Variants in ALDH1A2 observed in about 807,000 individuals in gnomAD.
ALDH1A2 encodes aldehyde dehydrogenase 1 family member A2, also known as retinal dehydrogenase 2.
Under a neutral mutation model 60.3 loss-of-function variants are expected in ALDH1A2, and 27 were observed. The ratio of observed to expected loss-of-function variants is 0.45; its 90% CI spans 0.33 to 0.62. The LOEUF (loss-of-function observed/expected upper bound fraction) is 0.62, where lower values mean the gene tolerates loss of function less well. ALDH1A2 is among the 20% of genes least tolerant of loss of function. The pLI is 0.02. For missense variants in ALDH1A2, 581 were observed against 643.8 expected, an observed-to-expected ratio of 0.90 and a Z score of 1.06; for synonymous variants, 289 against 232.4, an observed-to-expected ratio of 1.24 and a Z score of -2.21.
intron 1 of ALDH1A2, among the ~76,000 whole-genome samples, chr15:58,054,204 A>G (rs1378409383): frequency 6.6e-6 from 1 of 152,142 alleles, no homozygotes; most frequent in Admixed American, 6.6e-5. Flanking sequence ...TAAGAGAAAC[A>G]CCAAGGGAAG....
intron 4 of ALDH1A2, among the ~76,000 whole-genome samples, chr15:58,007,647 A>C (rs891680816): frequency 6.6e-6 from 1 of 152,088 alleles, no homozygotes; most frequent in African/African-American, 2.4e-5. Context: ...AGAATATTTT[A>C]TACTTTTAAA....
At chr15:57,996,448 C>T (rs886749810) in intron 4 of ALDH1A2, among the ~76,000 whole-genome samples, 4 of 146,962 alleles carry the variant, frequency 2.7e-5, no homozygotes, top group African/African-American at 5.0e-5. Context: ...CTTTTATCCT[C>T]TTTTTTTTTA....
In ALDH1A2 at chr15:58,014,262, C is replaced by T. The variant is rs200134664; in HGVS notation, c.137G>A (p.Trp46Ter). The T allele has an allele frequency of 6.2e-7, 1 of 1,613,996 alleles. No homozygotes were observed. The highest frequency in any genetic ancestry group is 8.5e-7 in the Non-Finnish European group (1 of 1,179,904). ...CACTCTCCCACTCTCTGAGTTCTGC[C>T]ACTCGTTGTTTATAAAGATCTAAGG... ...KYTKIFINNE[W>*]QNSESGRVFP... is the part of the protein sequence containing the mutation. Residue 46 changes from tryptophan (W) to a stop codon, truncating the protein, a stop_gained, in exon 2 of 13, where the codon TGG becomes TAG. Coordinates refer to ENST00000249750, the MANE Select transcript of ALDH1A2 (RefSeq NM_003888.4). LOFTEE classifies it high-confidence loss of function.
intron 7 of ALDH1A2, chr15:57,979,693 G>A: frequency 4.1e-6 from 1 of 243,574 alleles, no homozygotes; most frequent in Non-Finnish European, 8.6e-6. Flanking sequence ...GAGATAATGT[G>A]GGGAGAGAGT....
At chr15:58,062,137 C>T (rs1266240943) in intron 1 of ALDH1A2, among the ~76,000 whole-genome samples, 3 of 152,042 alleles carry the variant, frequency 2.0e-5, no homozygotes, top group African/African-American at 4.8e-5. Flanking sequence ...CTTTTTGCCT[C>T]TTCTATTTTA....
chr15:57,988,047 A>G (rs1376318181), intron 7 of ALDH1A2, among the ~76,000 whole-genome samples: 1 of 152,208 alleles, frequency 6.6e-6, no homozygotes, highest in East Asian at 1.9e-4. Flanking sequence ...ACAAACAAGG[A>G]AGGAGGCCAG....
intron 1 of ALDH1A2, among the ~76,000 whole-genome samples, chr15:58,038,753 C>T (rs1426763480): frequency 1.3e-5 from 2 of 151,744 alleles, no homozygotes; most frequent in Non-Finnish European, 3.0e-5. Context: ...ATGGGAATTG[C>T]TACTGGTAAT....
intron 1 of ALDH1A2, among the ~76,000 whole-genome samples, chr15:58,061,507 T>A (rs1257189196): frequency 1.3e-5 from 2 of 148,702 alleles, no homozygotes; most frequent in Non-Finnish European, 3.0e-5. Context: ...AAAAGATAGC[T>A]CCTTCTTAAG....
intron 1 of ALDH1A2, among the ~76,000 whole-genome samples, chr15:58,044,816 G>A (rs2140561018): frequency 6.6e-6 from 1 of 152,090 alleles, no homozygotes; most frequent in Middle Eastern, 3.4e-3. Context: ...CCCAGAGGAG[G>A]GCCGGTTTTG....
At chr15:57,975,386 T>G (rs1036779261) in intron 7 of ALDH1A2, among the ~76,000 whole-genome samples, 1 of 152,262 alleles carries the variant, frequency 6.6e-6, no homozygotes, top group Admixed American at 6.5e-5. Flanking sequence ...TTAAACCTGA[T>G]ACAGGTTGAA....
chr15:58,016,438 C>G (rs1895792343), intron 1 of ALDH1A2, among the ~76,000 whole-genome samples: 1 of 151,954 alleles, frequency 6.6e-6, no homozygotes. Flanking sequence ...GCACCCGGCC[C>G]CAAGTTCAGT....
chr15:57,979,995 G>T, intron 7 of ALDH1A2: 1 of 332,644 alleles, frequency 3.0e-6, no homozygotes. Flanking sequence ...TGCTCACCTG[G>T]CTGGCACAGT....
At chr15:57,981,790 C>G (rs557616957) in intron 7 of ALDH1A2, among the ~76,000 whole-genome samples, 3 of 152,258 alleles carry the variant, frequency 2.0e-5, no homozygotes, top group African/African-American at 7.2e-5. Context: ...TGACACTTTA[C>G]TAAGAATTAG....
intron 1 of ALDH1A2, among the ~76,000 whole-genome samples, chr15:58,050,484 T>G (rs1190830530): frequency 6.6e-6 from 1 of 152,178 alleles, no homozygotes; most frequent in Non-Finnish European, 1.5e-5. Flanking sequence ...CATTATTTAC[T>G]TAATCTTCAA....
chr15:57,960,107 T>A (rs1893672156), intron 12 of ALDH1A2, among the ~76,000 whole-genome samples: 1 of 152,208 alleles, frequency 6.6e-6, no homozygotes, highest in South Asian at 2.1e-4. Context: ...ATCCCTGAGC[T>A]CCTCCATTGG....
At chr15:57,960,737 T>A in intron 12 of ALDH1A2, 33 bp downstream of exon 12, 1 of 1,576,542 alleles carries the variant, frequency 6.3e-7, no homozygotes, top group South Asian at 1.1e-5. Flanking sequence ...TGCAATCTAT[T>A]TCTCTGCAGG....
intron 12 of ALDH1A2, among the ~76,000 whole-genome samples, chr15:57,957,720 T>TGTCA (rs1263982548): frequency 6.6e-6 from 1 of 152,222 alleles, no homozygotes; most frequent in Non-Finnish European, 1.5e-5. Flanking sequence ...TAAGGTAACC[T>TGTCA]GTCAGTCAGT....
chr15:57,958,214 G>GCACACACACACGCACGCA (rs1555398332), intron 12 of ALDH1A2, among the ~76,000 whole-genome samples: 2 of 151,700 alleles, frequency 1.3e-5, no homozygotes, highest in African/African-American at 4.8e-5. Context: ...GTACACGCAC[G>GCACACACACACGCACGCA]CACACACACA....
At chr15:57,955,369 C>T in intron 12 of ALDH1A2, 100 bp from the exon 13 acceptor site, 4 of 1,177,310 alleles carry the variant, frequency 3.4e-6, no homozygotes, top group Admixed American at 1.7e-5. Flanking sequence ...CACCTGCGAA[C>T]AGCAAGTCCT....
Sources: allele counts gnomAD v4.1 joint callset (sites outside exome capture counted in the v4.1 genomes callset), GRCh38; gene constraint gnomAD v4.1.1; transcripts MANE v1.5; gene names NCBI Gene and HGNC (gene_info 2026-07-23, HGNC 2026-07-21).